CEP70: variants seen among roughly 807,000 people sequenced by gnomAD.
The protein encoded by CEP70 is centrosomal protein of 70 kDa.
CEP70 carries 70 observed loss-of-function variants against 90.9 expected under a neutral mutation model. The observed-to-expected ratio is 0.77, with a 90% CI of 0.64 to 0.94. CEP70 has a LOEUF of 0.94. Ranked by LOEUF, CEP70 falls within the 40% of genes least tolerant of loss-of-function variation. The pLI is 0.00. For missense variants in CEP70, 648 were observed against 669.0 expected (o/e 0.97, Z 0.35); for synonymous variants, 220 against 228.3 (o/e 0.96, Z 0.33).
chr3:138,518,807 C>G (rs777846617), intron 11 of CEP70, among the ~76,000 whole-genome samples: 19 of 152,122 alleles, frequency 1.2e-4, no homozygotes, highest in Non-Finnish European at 2.2e-4. Flanking sequence ...AGCTCCTCAC[C>G]AGCAATGGAA....
chr3:138,529,846 T>G, intron 8 of CEP70, among the ~76,000 whole-genome samples: 1 of 152,214 alleles, frequency 6.6e-6, no homozygotes, highest in Admixed American at 6.5e-5. Context: ...TATTTTTTCC[T>G]TCTAGTACAT....
At chr3:138,577,998 C>T (rs140846322) in intron 2 of CEP70, among the ~76,000 whole-genome samples, 1 of 152,310 alleles carries the variant, frequency 6.6e-6, no homozygotes, top group Non-Finnish European at 1.5e-5. Flanking sequence ...ACAGAAGCAA[C>T]TAGAGAGCAA....
chr3:138,566,526 T>G (rs1193803587), intron 6 of CEP70, among the ~76,000 whole-genome samples: 3 of 151,670 alleles, frequency 2.0e-5, no homozygotes, highest in Admixed American at 2.0e-4. Flanking sequence ...CCTTTGAATC[T>G]GGAAACCATT....
At chr3:138,539,827 A>G (rs768510561) in intron 6 of CEP70, among the ~76,000 whole-genome samples, 4 of 151,900 alleles carry the variant, frequency 2.6e-5, no homozygotes, top group Non-Finnish European at 4.4e-5. Flanking sequence ...GAGATCACCA[A>G]ACAGATTCAA....
chr3:138,577,956 CT>C (rs2108212273), intron 2 of CEP70, among the ~76,000 whole-genome samples: 2 of 152,272 alleles, frequency 1.3e-5, no homozygotes, highest in East Asian at 3.9e-4. Flanking sequence ...TGGCCACAGC[CT>C]AGTTTTTTCA....
intron 2 of CEP70, 111 bp from the exon 3 acceptor site, chr3:138,573,043 T>C (rs1677476361): frequency 4.1e-6 from 3 of 734,796 alleles, no homozygotes; most frequent in Admixed American, 2.4e-5. Flanking sequence ...TTTAAAAGAA[T>C]CCACTACTCT....
intron 2 of CEP70, among the ~76,000 whole-genome samples, chr3:138,581,618 G>A (rs990566274): frequency 2.0e-5 from 3 of 147,628 alleles, no homozygotes; most frequent in South Asian, 2.1e-4. Context: ...CACAAGAATC[G>A]CCTGAACCTG....
At chr3:138,529,507 A>G (rs757986678) in intron 8 of CEP70, 45 bp from the exon 9 acceptor site, 12 of 1,232,894 alleles carry the variant, frequency 9.7e-6, no homozygotes, top group East Asian at 2.3e-5. Flanking sequence ...ATCTATCTTC[A>G]AAGAAAAAAA....
At chr3:138,536,232 T>G (rs1025060879) in intron 7 of CEP70, among the ~76,000 whole-genome samples, 13 of 152,072 alleles carry the variant, frequency 8.5e-5, no homozygotes, top group African/African-American at 3.1e-4. Context: ...TTGCTAAAAA[T>G]AACTCTAAAC....
At chr3:138,569,711 T>C (rs1004925587) in intron 6 of CEP70, among the ~76,000 whole-genome samples, 10 of 151,878 alleles carry the variant, frequency 6.6e-5, no homozygotes, top group Non-Finnish European at 1.0e-4. Context: ...CTATAAAAAA[T>C]ATAAAAATTA....
At chr3:138,548,678 T>C (rs762236026) in intron 6 of CEP70, among the ~76,000 whole-genome samples, 3 of 152,116 alleles carry the variant, frequency 2.0e-5, no homozygotes, top group Non-Finnish European at 4.4e-5. Flanking sequence ...ATGGAAATTC[T>C]AGGGGAAAAT....
At chr3:138,512,204 C>T (rs960132746) in intron 11 of CEP70, among the ~76,000 whole-genome samples, 1 of 152,138 alleles carries the variant, frequency 6.6e-6, no homozygotes, top group African/African-American at 2.4e-5. Flanking sequence ...TTGCTTCCAG[C>T]CTATAGTCTG....
At chr3:138,544,047 C>T (rs138654513) in intron 6 of CEP70, among the ~76,000 whole-genome samples, 242 of 152,218 alleles carry the variant, frequency 1.6e-3, no homozygotes, top group Non-Finnish European at 2.5e-3. Context: ...TCCACACTTT[C>T]GGAGGCTAAA....
At chr3:138,550,859 A>G (rs2039563375) in intron 6 of CEP70, among the ~76,000 whole-genome samples, 1 of 152,246 alleles carries the variant, frequency 6.6e-6, no homozygotes, top group Admixed American at 6.5e-5. Flanking sequence ...AAAGTCTCCA[A>G]GAAGTTTGGG....
intron 6 of CEP70, among the ~76,000 whole-genome samples, chr3:138,569,158 C>T (rs1291615439): frequency 6.6e-6 from 1 of 152,154 alleles, no homozygotes; most frequent in East Asian, 1.9e-4. Flanking sequence ...CACCAACTGC[C>T]TCTGTCCTCA....
chr3:138,548,034 C>T (rs2039345648), intron 6 of CEP70, among the ~76,000 whole-genome samples: 1 of 152,168 alleles, frequency 6.6e-6, no homozygotes, highest in South Asian at 2.1e-4. Flanking sequence ...ATCAGGCCAA[C>T]ATTATCCTGA....
chr3:138,533,843 G>A (rs1351783178), intron 7 of CEP70, among the ~76,000 whole-genome samples: 1 of 151,934 alleles, frequency 6.6e-6, no homozygotes, highest in Non-Finnish European at 1.5e-5. Flanking sequence ...GGAGTGCAGT[G>A]GCGTCATCCT....
intron 11 of CEP70, among the ~76,000 whole-genome samples, chr3:138,511,306 C>A (rs900122894): frequency 6.6e-6 from 1 of 152,228 alleles, no homozygotes. Context: ...AGTATATGCC[C>A]AAGCCAAATT....
At chr3:138,592,144 T>G (rs1422780334) in intron 1 of CEP70, among the ~76,000 whole-genome samples, 188 bp from the exon 2 acceptor site, 4 of 152,206 alleles carry the variant, frequency 2.6e-5, no homozygotes, top group Non-Finnish European at 5.9e-5. Flanking sequence ...CTCTTCTCTC[T>G]CCTTCTTATC....
Sources: gnomAD v4.1 joint callset for allele counts (sites outside exome capture counted in the v4.1 genomes callset) on GRCh38, gnomAD v4.1.1 for gene constraint, MANE v1.5 for transcripts, NCBI Gene and HGNC (gene_info 2026-07-23, HGNC 2026-07-21) for gene names.